TCAIM: variants seen among roughly 807,000 people sequenced by gnomAD.
TCAIM encodes the protein T cell activation inhibitor, mitochondrial.
Under a neutral mutation model 58.6 loss-of-function variants are expected in TCAIM, and 36 were observed. The observed-to-expected ratio is 0.61, with a 90% CI of 0.47 to 0.81. The LOEUF (loss-of-function observed/expected upper bound fraction) is 0.81. TCAIM is among the 30% of genes least tolerant of loss of function. The probability of loss-of-function intolerance (pLI) is 0.00; values close to 1 mark genes in which losing one functional copy is unlikely to be tolerated. For synonymous variants in TCAIM, 172 were observed against 193.6 expected (o/e 0.89, Z 0.93); for missense variants, 466 against 579.6 (o/e 0.80, Z 2.01).
intron 5 of TCAIM, among the ~76,000 whole-genome samples, chr3:44,379,356 A>G (rs1701619181): frequency 6.6e-6 from 1 of 152,186 alleles, no homozygotes; most frequent in South Asian, 2.1e-4. Context: ...CAACCCAGTA[A>G]TCTCACTACG....
rs1575277298 is a variant in TCAIM at position 44,396,306 on chromosome 3, A to T, written c.696-94A>T. 4 of 986,808 alleles carry T rather than the reference A, an allele frequency of 4.1e-6. No individual in the cohort carries two copies. The East Asian group carries it at 8.0e-5, about 20-fold the overall frequency. The allele number at this position is 986,808 out of a possible 1,614,324, so 61.1% of individuals were successfully genotyped here. On this transcript the variant is annotated intron_variant, in intron 6 of 10. Transcript: ENST00000342649. Reference sequence around the variant, plus strand: ...ATGTGTGTGCTTCAAAAAGAGACTCATTGGCTTTCCAAGGACTCCAGTAGT... The same window carrying T: ...ATGTGTGTGCTTCAAAAAGAGACTCTTTGGCTTTCCAAGGACTCCAGTAGT...
intron 1 of TCAIM, among the ~76,000 whole-genome samples, chr3:44,339,292 GTCACTA>G (rs1700804794): frequency 6.6e-6 from 1 of 152,118 alleles, no homozygotes; most frequent in Non-Finnish European, 1.5e-5. Flanking sequence ...GTACAAGATA[GTCACTA>G]AGGGAAGTCA....
intron 1 of TCAIM, among the ~76,000 whole-genome samples, chr3:44,341,817 C>G (rs1700859950): frequency 6.6e-6 from 1 of 152,082 alleles, no homozygotes; most frequent in Admixed American, 6.5e-5. Context: ...AAAGATAGCC[C>G]CTACTTTCAT....
chr3:44,401,138 T>C (rs1461145668), intron 9 of TCAIM, 65 bp from the exon 10 acceptor site: 2 of 1,564,844 alleles, frequency 1.3e-6, no homozygotes, highest in African/African-American at 2.8e-5. Flanking sequence ...ACTAATAAAA[T>C]ATTTTCTCTG....
intron 3 of TCAIM, among the ~76,000 whole-genome samples, chr3:44,361,134 ATT>A: frequency 6.6e-6 from 1 of 152,156 alleles, no homozygotes; most frequent in East Asian, 1.9e-4. Context: ...GTTTTCTTCT[ATT>A]ACTTATATGG....
At chr3:44,343,860 C>T (rs1473195656) in intron 1 of TCAIM, among the ~76,000 whole-genome samples, 3 of 152,126 alleles carry the variant, frequency 2.0e-5, no homozygotes, top group Admixed American at 2.0e-4. Context: ...TCTATTGTCA[C>T]ATTTCTAAGC....
chr3:44,372,834 T>G (rs1276433460), intron 5 of TCAIM, among the ~76,000 whole-genome samples: 1 of 152,122 alleles, frequency 6.6e-6, no homozygotes, highest in Non-Finnish European at 1.5e-5. Context: ...GACCTCATGA[T>G]CCACCCGTCT....
At chr3:44,353,683 G>T (rs1040330975) in intron 1 of TCAIM, among the ~76,000 whole-genome samples, 9 of 152,188 alleles carry the variant, frequency 5.9e-5, no homozygotes, top group Non-Finnish European at 1.3e-4. Flanking sequence ...AACACATGAT[G>T]TTGAACTGCA....
intron 5 of TCAIM, among the ~76,000 whole-genome samples, chr3:44,372,345 A>G (rs887398632): frequency 1.3e-5 from 2 of 152,226 alleles, no homozygotes; most frequent in African/African-American, 2.4e-5. Flanking sequence ...AGAGAGATTC[A>G]TGGTGCCTAT....
At chr3:44,362,921 A>T (rs1701315706) in intron 4 of TCAIM, 1 of 152,336 alleles carries the variant, frequency 6.6e-6, no homozygotes, top group Admixed American at 6.5e-5. Flanking sequence ...GAATTAAATA[A>T]CATCTTACAT....
chr3:44,370,940 C>A (rs1300499566), intron 5 of TCAIM, among the ~76,000 whole-genome samples: 1 of 141,910 alleles, frequency 7.0e-6, no homozygotes, highest in East Asian at 2.1e-4. Flanking sequence ...AAGATGGAGT[C>A]TCACTCTGTT....
At chr3:44,342,558 C>A (rs1700875437) in intron 1 of TCAIM, among the ~76,000 whole-genome samples, 1 of 152,032 alleles carries the variant, frequency 6.6e-6, no homozygotes, top group Non-Finnish European at 1.5e-5. Context: ...ACTTGGAAAT[C>A]TCTAGCTTTT....
At chr3:44,383,809 CAAAAAAAAAAA>C (rs71089100) in intron 5 of TCAIM, among the ~76,000 whole-genome samples, 4 of 95,386 alleles carry the variant, frequency 4.2e-5, no homozygotes, top group Non-Finnish European at 7.8e-5. Flanking sequence ...CCTGTCTCTA[CAAAAAAAAAAA>C]AAAAAAAAAA....
chr3:44,378,031 A>G (rs1701593688), intron 5 of TCAIM, among the ~76,000 whole-genome samples: 1 of 152,188 alleles, frequency 6.6e-6, no homozygotes, highest in Non-Finnish European at 1.5e-5. Flanking sequence ...GGGAGAAAGT[A>G]CTTTCAAACT....
chr3:44,386,245 A>C (rs894343194), intron 5 of TCAIM, among the ~76,000 whole-genome samples: 1 of 149,360 alleles, frequency 6.7e-6, no homozygotes, highest in Non-Finnish European at 1.5e-5. Context: ...CTTTAAAATT[A>C]GCCACACCTA....
At chr3:44,395,128 A>G (rs1701914079) in intron 6 of TCAIM, among the ~76,000 whole-genome samples, 2 of 151,068 alleles carry the variant, frequency 1.3e-5, no homozygotes. Context: ...TTCATTCTAA[A>G]CAGCCTATAT....
intron 5 of TCAIM, among the ~76,000 whole-genome samples, chr3:44,387,888 G>A (rs1180064522): frequency 6.6e-6 from 1 of 151,934 alleles, no homozygotes; most frequent in Non-Finnish European, 1.5e-5. Context: ...CCTGTCTCTA[G>A]AATAAAAAAA....
intron 5 of TCAIM, among the ~76,000 whole-genome samples, chr3:44,375,051 C>T (rs1017452803): frequency 5.9e-5 from 9 of 152,130 alleles, no homozygotes; most frequent in African/African-American, 9.7e-5. Flanking sequence ...AGTCCTTGTA[C>T]GTGGTATTCT....
At chr3:44,346,233 G>A (rs1033017873) in intron 1 of TCAIM, among the ~76,000 whole-genome samples, 1 of 152,166 alleles carries the variant, frequency 6.6e-6, no homozygotes, top group African/African-American at 2.4e-5. Flanking sequence ...TGAATACCAA[G>A]AACCTGAGAA....
Sources: gnomAD v4.1 joint callset for allele counts (sites outside exome capture counted in the v4.1 genomes callset) on GRCh38, gnomAD v4.1.1 for gene constraint, MANE v1.5 for transcripts, NCBI Gene and HGNC (gene_info 2026-07-23, HGNC 2026-07-21) for gene names.